The following RABEP1 variants were observed in gnomAD, a reference collection of about 807,000 sequenced individuals.
RABEP1 encodes rabaptin, RAB GTPase binding effector protein 1.
RABEP1 carries 51 observed loss-of-function variants against 123.4 expected under a neutral mutation model. The observed-to-expected ratio is 0.41, with a 90% CI of 0.33 to 0.52. RABEP1 has a LOEUF of 0.52. RABEP1 is among the 20% of genes least tolerant of loss of function. The pLI is 0.16. For missense variants in RABEP1, 888 were observed against 996.3 expected, an observed-to-expected ratio of 0.89 and a Z score of 1.46; for synonymous variants, 347 against 355.2, an observed-to-expected ratio of 0.98 and a Z score of 0.26.
intron 2 of RABEP1, among the ~76,000 whole-genome samples, chr17:5,321,824 G>A (rs1255550607): frequency 1.3e-5 from 2 of 152,186 alleles, no homozygotes; most frequent in African/African-American, 4.8e-5. Flanking sequence ...GCTTTGGGAG[G>A]CCTAGTTGAG....
At chr17:5,382,143 G>A (rs923973515) in intron 17 of RABEP1, among the ~76,000 whole-genome samples, 6 of 150,274 alleles carry the variant, frequency 4.0e-5, no homozygotes, top group African/African-American at 1.5e-4. Context: ...GTGCAGTGGT[G>A]TGATCTTGGC....
chr17:5,382,235 C>T (rs973446137), intron 17 of RABEP1, among the ~76,000 whole-genome samples: 3 of 151,676 alleles, frequency 2.0e-5, no homozygotes, highest in Admixed American at 6.6e-5. Context: ...GTACACACCA[C>T]CAAGCCCAGC....
At chr17:5,327,648 A>T (rs2144586509) in intron 2 of RABEP1, among the ~76,000 whole-genome samples, 1 of 152,318 alleles carries the variant, frequency 6.6e-6, no homozygotes, top group African/African-American at 2.4e-5. Context: ...GCTGGTGCAT[A>T]CATGAATTTT....
chr17:5,290,207 C>A (rs916159503), intron 1 of RABEP1, among the ~76,000 whole-genome samples: 1 of 152,204 alleles, frequency 6.6e-6, no homozygotes, highest in African/African-American at 2.4e-5. Context: ...CCTGCCTCAG[C>A]CTCCCAAGTA....
At chr17:5,330,305 C>T (rs1906409752) in intron 2 of RABEP1, among the ~76,000 whole-genome samples, 1 of 152,052 alleles carries the variant, frequency 6.6e-6, no homozygotes, top group Non-Finnish European at 1.5e-5. Flanking sequence ...CTGTCTTTGG[C>T]TAGAGATTCA....
At chr17:5,293,887 CAATTATT>C (rs990663986) in intron 1 of RABEP1, among the ~76,000 whole-genome samples, 41 of 152,196 alleles carry the variant, frequency 2.7e-4, no homozygotes, top group African/African-American at 9.4e-4. Flanking sequence ...TACATCATTT[CAATTATT>C]AAGTTGTTTC....
intron 11 of RABEP1, among the ~76,000 whole-genome samples, chr17:5,366,594 T>C (rs1387907614): frequency 4.4e-4 from 67 of 151,898 alleles, no homozygotes; most frequent in African/African-American, 1.2e-3. Context: ...TACAGGCACT[T>C]ACCACCACAC....
chr17:5,321,005 A>G (rs1364319897), intron 2 of RABEP1, among the ~76,000 whole-genome samples: 1 of 152,234 alleles, frequency 6.6e-6, no homozygotes, highest in Non-Finnish European at 1.5e-5. Context: ...CCAACTATAT[A>G]CTGCCTACAA....
intron 3 of RABEP1, 41 bp downstream of exon 3, chr17:5,332,193 A>G: frequency 6.5e-7 from 1 of 1,546,890 alleles, no homozygotes; most frequent in Non-Finnish European, 8.9e-7. Flanking sequence ...TTTCTAAGAT[A>G]TCCGATTCTG....
At chr17:5,294,633 CTTTTTTTTTTTTTTTTT>C (rs1185209680) in intron 1 of RABEP1, among the ~76,000 whole-genome samples, 8,980 of 53,196 alleles carry the variant, frequency 0.17, 631 homozygotes, top group Middle Eastern at 0.34. Flanking sequence ...ACGGTATTGT[CTTTTTTTTTTTTTTTTT>C]TTTTTTTTTT....
At chr17:5,295,915 G>C (rs142973306) in intron 1 of RABEP1, among the ~76,000 whole-genome samples, 98 of 152,180 alleles carry the variant, frequency 6.4e-4, no homozygotes, top group African/African-American at 2.3e-3. Context: ...ATCTTCTACT[G>C]TTTTCTTAGT....
At chr17:5,317,052 C>T (rs145741053) in intron 2 of RABEP1, among the ~76,000 whole-genome samples, 37 of 152,118 alleles carry the variant, frequency 2.4e-4, no homozygotes, top group African/African-American at 8.4e-4. Flanking sequence ...TTACGGGCAC[C>T]TGCTACCATG....
intron 11 of RABEP1, among the ~76,000 whole-genome samples, chr17:5,366,895 G>T (rs1597388926): frequency 1.3e-5 from 2 of 151,686 alleles, no homozygotes; most frequent in African/African-American, 2.4e-5. Flanking sequence ...TTTGAGACCA[G>T]CCTGACCAAC....
At chr17:5,358,112 TTTA>T (rs1170273984) in intron 8 of RABEP1, among the ~76,000 whole-genome samples, 2 of 152,128 alleles carry the variant, frequency 1.3e-5, no homozygotes, top group African/African-American at 4.8e-5. Context: ...AGGTGAGTTG[TTTA>T]TTATCTCTAG....
At chr17:5,323,826 A>G (rs1474548906) in intron 2 of RABEP1, among the ~76,000 whole-genome samples, 1 of 125,770 alleles carries the variant, frequency 8.0e-6, no homozygotes, top group African/African-American at 3.4e-5. Flanking sequence ...AGGAATATAT[A>G]TATATATCTA....
At chr17:5,286,373 A>T (rs2074977876) in intron 1 of RABEP1, among the ~76,000 whole-genome samples, 1 of 152,162 alleles carries the variant, frequency 6.6e-6, no homozygotes, top group South Asian at 2.1e-4. Context: ...GCGCACCTGT[A>T]GTCCCAGCTA....
In RABEP1 at chr17:5,381,394, C is replaced by A. The variant is rs117554009; in HGVS notation, c.2376C>A (p.Thr792=). 3.2e-4 allele frequency: 523 copies of A among 1,609,600 alleles called. 4 individuals carry two copies. In the East Asian group the frequency reaches 0.011, roughly 32 times the overall value. ...QLKKETAAKA[T]VEQLMFEEKN... is the part of the protein sequence containing the mutation. ...TCAAAACTTGTATTTTTTAGGCTAC[C>A]GTTGAACAACTAATGTTTGAAGAGA... The change falls in exon 17 of 18, where the codon ACC becomes ACA. Residue 792 remains threonine (T), a synonymous_variant. Coordinates refer to ENST00000537505, the MANE Select transcript of RABEP1 (RefSeq NM_004703.6).
At chr17:5,306,520 C>T (rs910882747) in intron 1 of RABEP1, among the ~76,000 whole-genome samples, 2 of 151,632 alleles carry the variant, frequency 1.3e-5, no homozygotes, top group Non-Finnish European at 2.9e-5. Flanking sequence ...CCCAGCTACT[C>T]GGGAGGCTGA....
chr17:5,309,960 T>C (rs1033422578), intron 2 of RABEP1, among the ~76,000 whole-genome samples: 2 of 152,220 alleles, frequency 1.3e-5, no homozygotes, highest in East Asian at 3.8e-4. Context: ...TGAAAACTGC[T>C]CTAGTCTATA....
Sources: allele counts gnomAD v4.1 joint callset (sites outside exome capture counted in the v4.1 genomes callset), GRCh38; gene constraint gnomAD v4.1.1; transcripts MANE v1.5; gene names NCBI Gene and HGNC (gene_info 2026-07-23, HGNC 2026-07-21).